Variants in RPS6KC1 observed in about 807,000 individuals in gnomAD.
The protein encoded by RPS6KC1 is inactive ribosomal protein S6 kinase delta-1.
A neutral mutation model predicts 103.8 loss-of-function variants in RPS6KC1; 54 were observed. The ratio of observed to expected loss-of-function variants is 0.52; its 90% CI spans 0.42 to 0.65. The LOEUF (loss-of-function observed/expected upper bound fraction) is 0.65, where lower values mean the gene tolerates loss of function less well. Among genes scored for constraint, RPS6KC1 ranks in the 30% least tolerant of loss-of-function variants. The probability of loss-of-function intolerance (pLI) is 0.00; values close to 1 mark genes in which losing one functional copy is unlikely to be tolerated. For missense variants in RPS6KC1, 1,151 were observed against 1,253.8 expected, an observed-to-expected ratio of 0.92 and a Z score of 1.24; for synonymous variants, 439 against 438.7, an observed-to-expected ratio of 1.00 and a Z score of -0.01.
the RPS6KC1 span, among the ~76,000 whole-genome samples, chr1:213,586,513 C>G: frequency 1.1e-3 from 164 of 152,318 alleles, no homozygotes; most frequent in Non-Finnish European, 1.9e-3. Context: ...TAATCTAATG[C>G]TGTCTGTTAG....
chr1:213,516,085 G>C, the RPS6KC1 span, among the ~76,000 whole-genome samples: 1 of 152,132 alleles, frequency 6.6e-6, no homozygotes, highest in South Asian at 2.1e-4. Context: ...GATTTTTTAT[G>C]CTGAGACTTG....
At chr1:213,100,868 C>T (rs937793893) in intron 3 of RPS6KC1, among the ~76,000 whole-genome samples, 2 of 151,838 alleles carry the variant, frequency 1.3e-5, no homozygotes, top group Non-Finnish European at 2.9e-5. Context: ...CATGTCTTTA[C>T]TATCGTGAAT....
the RPS6KC1 span, among the ~76,000 whole-genome samples, chr1:213,315,051 T>C: frequency 6.6e-6 from 1 of 152,178 alleles, no homozygotes; most frequent in African/African-American, 2.4e-5. Flanking sequence ...CAGTGAGTCC[T>C]TCTGCTATTG....
chr1:213,661,622 G>C, the RPS6KC1 span, among the ~76,000 whole-genome samples: 2 of 152,172 alleles, frequency 1.3e-5, no homozygotes, highest in African/African-American at 2.4e-5. Flanking sequence ...GATAACTCAA[G>C]TACATGAACT....
At chr1:213,665,047 A>T in the RPS6KC1 span, among the ~76,000 whole-genome samples, 2 of 152,196 alleles carry the variant, frequency 1.3e-5, no homozygotes, top group Non-Finnish European at 2.9e-5. Flanking sequence ...TTTATAGAAC[A>T]TACTTTAGAG....
intron 6 of RPS6KC1, among the ~76,000 whole-genome samples, chr1:213,158,599 C>T (rs1026170432): frequency 6.6e-6 from 1 of 152,082 alleles, no homozygotes; most frequent in Non-Finnish European, 1.5e-5. Context: ...TGGAGTAGCC[C>T]AGTTTAGAAT....
chr1:213,623,666 T>C, the RPS6KC1 span, among the ~76,000 whole-genome samples: 2 of 152,188 alleles, frequency 1.3e-5, no homozygotes, highest in Non-Finnish European at 2.9e-5. Flanking sequence ...TATTAGGAAC[T>C]CATTATTAGG....
At chr1:213,055,379 A>C (rs1265662475) in intron 1 of RPS6KC1, among the ~76,000 whole-genome samples, 1 of 151,714 alleles carries the variant, frequency 6.6e-6, no homozygotes, top group East Asian at 1.9e-4. Flanking sequence ...AGATTTATCC[A>C]TGTTGTCATG....
chr1:213,346,624 GT>G, the RPS6KC1 span, among the ~76,000 whole-genome samples: 12 of 151,440 alleles, frequency 7.9e-5, no homozygotes, highest in Middle Eastern at 3.4e-3. Flanking sequence ...TGGTTTGTTA[GT>G]TTTTTTTTAA....
chr1:213,561,965 A>G, the RPS6KC1 span, among the ~76,000 whole-genome samples: 5 of 152,216 alleles, frequency 3.3e-5, no homozygotes, highest in Non-Finnish European at 5.9e-5. Flanking sequence ...TTGCACTTTC[A>G]ATATCCTTTG....
the RPS6KC1 span, among the ~76,000 whole-genome samples, chr1:213,711,331 G>A: frequency 2.0e-5 from 3 of 152,028 alleles, 1 homozygote; most frequent in Admixed American, 2.0e-4. Context: ...GCTTCACAAA[G>A]TTCTTGTGCT....
chr1:213,375,091 A>G, the RPS6KC1 span, among the ~76,000 whole-genome samples: 1 of 151,938 alleles, frequency 6.6e-6, no homozygotes, highest in African/African-American at 2.4e-5. Context: ...ACACACATCT[A>G]CGCATATATA....
At chr1:213,594,979 G>C in the RPS6KC1 span, among the ~76,000 whole-genome samples, 1 of 152,128 alleles carries the variant, frequency 6.6e-6, no homozygotes, top group Non-Finnish European at 1.5e-5. Context: ...AGAGAGGTGG[G>C]TGGAGGCATA....
At chr1:213,288,167 CT>C in the RPS6KC1 span, among the ~76,000 whole-genome samples, 3 of 152,214 alleles carry the variant, frequency 2.0e-5, no homozygotes, top group Non-Finnish European at 4.4e-5. Context: ...GACCAAAACA[CT>C]TGTGTCAACC....
At chr1:213,382,533 CTTTTTTTTTTT>C in the RPS6KC1 span, among the ~76,000 whole-genome samples, 1 of 134,372 alleles carries the variant, frequency 7.4e-6, no homozygotes, top group African/African-American at 2.7e-5. Flanking sequence ...TTCACTCCAT[CTTTTTTTTTTT>C]TTTTTTTGAA....
At chr1:213,283,744 G>A in the RPS6KC1 span, among the ~76,000 whole-genome samples, 5 of 152,282 alleles carry the variant, frequency 3.3e-5, no homozygotes, top group South Asian at 1.0e-3. Context: ...GGAATTAAAA[G>A]GGAATAGTCT....
the RPS6KC1 span, among the ~76,000 whole-genome samples, chr1:213,652,349 G>A: frequency 3.9e-5 from 6 of 152,286 alleles, no homozygotes; most frequent in Non-Finnish European, 7.4e-5. Context: ...TGAGGCACAC[G>A]GAAGTAAAGG....
At chr1:213,510,139 T>A in the RPS6KC1 span, among the ~76,000 whole-genome samples, 2 of 152,224 alleles carry the variant, frequency 1.3e-5, no homozygotes, top group African/African-American at 4.8e-5. Flanking sequence ...TGCCTTTTCA[T>A]GTAATGCACA....
In RPS6KC1 at chr1:213,272,971, T is replaced by C. The variant is rs2095078639; in HGVS notation, c.*337T>C. The C allele has an allele frequency of 5.5e-6, 1 of 181,040 alleles. No homozygotes were observed. The highest frequency in any genetic ancestry group is 1.2e-5 in the Non-Finnish European group (1 of 84,374). 11.2% of individuals were successfully genotyped at this position (181,040 alleles called of 1,614,324 possible). On this transcript the variant is annotated 3_prime_UTR_variant, in exon 15 of 15. Coordinates refer to ENST00000366960, the MANE Select transcript of RPS6KC1 (RefSeq NM_012424.6). ...GGAAGCTAGAAGTGTAGAATGAAGT[T>C]TTACTTGACAGAAGGACCTTTACAT...
Sources: gnomAD v4.1 joint callset for allele counts (sites outside exome capture counted in the v4.1 genomes callset) on GRCh38, gnomAD v4.1.1 for gene constraint, MANE v1.5 for transcripts, NCBI Gene and HGNC (gene_info 2026-07-23, HGNC 2026-07-21) for gene names.